MOBP: variants seen among roughly 807,000 people sequenced by gnomAD.
MOBP encodes myelin associated oligodendrocyte basic protein, also known as myelin-associated oligodendrocyte basic protein.
Under a neutral mutation model 15.0 loss-of-function variants are expected in MOBP, and 5 were observed. That is an observed-to-expected ratio of 0.33 (90% CI 0.17 to 0.70). The LOEUF (loss-of-function observed/expected upper bound fraction) is 0.70, where lower values mean the gene tolerates loss of function less well. Ranked by LOEUF, MOBP falls within the 30% of genes least tolerant of loss-of-function variation. The pLI is 0.67. For missense variants in MOBP, 188 were observed against 257.8 expected (o/e 0.73, Z 1.85); for synonymous variants, 88 against 99.0 (o/e 0.89, Z 0.66).
chr3:39,506,559 C>T (rs570671343), downstream of MOBP, among the ~76,000 whole-genome samples: 1 of 152,116 alleles, frequency 6.6e-6, no homozygotes, highest in South Asian at 2.1e-4. Flanking sequence ...TAGACATGTG[C>T]GTCAGTTATC....
At chr3:39,493,455 C>A (rs2042830779) in intron 2 of MOBP, among the ~76,000 whole-genome samples, 1 of 151,892 alleles carries the variant, frequency 6.6e-6, no homozygotes, top group Non-Finnish European at 1.5e-5. Context: ...CCTTCCTCTA[C>A]TGAACAGACA....
intron 1 of MOBP, among the ~76,000 whole-genome samples, chr3:39,474,760 G>A (rs987523589): frequency 3.3e-5 from 5 of 152,126 alleles, no homozygotes. Context: ...TCTCACATAG[G>A]TCTGAGATTT....
At chr3:39,487,160 C>T (rs138590374) in intron 2 of MOBP, among the ~76,000 whole-genome samples, 17 of 151,596 alleles carry the variant, frequency 1.1e-4, no homozygotes, top group East Asian at 1.9e-4. Context: ...AGGCTGGTCT[C>T]GAACTCCATC....
At chr3:39,475,914 G>T (rs1199159553) in intron 1 of MOBP, among the ~76,000 whole-genome samples, 1 of 152,116 alleles carries the variant, frequency 6.6e-6, no homozygotes, top group Non-Finnish European at 1.5e-5. Flanking sequence ...AACAAAATTT[G>T]GTTATTACTT....
intron 4 of MOBP, among the ~76,000 whole-genome samples, chr3:39,508,850 A>C (rs1025990246): frequency 6.6e-6 from 1 of 152,104 alleles, no homozygotes. Flanking sequence ...CCTGGCCCCA[A>C]CATTTTAATC....
chr3:39,500,880 CTA>C (rs2042960138), intron 2 of MOBP, among the ~76,000 whole-genome samples: 1 of 152,104 alleles, frequency 6.6e-6, no homozygotes, highest in Non-Finnish European at 1.5e-5. Flanking sequence ...TTACATAAAA[CTA>C]TTTTTGCATG....
chr3:39,482,082 A>T (rs1204990478), intron 2 of MOBP, among the ~76,000 whole-genome samples: 4 of 152,088 alleles, frequency 2.6e-5, no homozygotes, highest in African/African-American at 9.7e-5. Context: ...CTCAACTTGA[A>T]TCCATTAAAA....
At chr3:39,475,629 A>G (rs1326393720) in intron 1 of MOBP, among the ~76,000 whole-genome samples, 1 of 152,206 alleles carries the variant, frequency 6.6e-6, no homozygotes, top group Non-Finnish European at 1.5e-5. Context: ...GTATAAGCCC[A>G]ACAATATTTA....
chr3:39,513,536 CCTGCTGATGTGGCAA>C (rs1434334212), exon 5 of MOBP: 1 of 1,097,520 alleles, frequency 9.1e-7, no homozygotes. Context: ...GGGGCAAACA[CCTGCTGATGTGGCAA>C]CTGCTGATGC....
chr3:39,484,715 A>G (rs745721896), intron 2 of MOBP, among the ~76,000 whole-genome samples: 1 of 152,232 alleles, frequency 6.6e-6, no homozygotes, highest in East Asian at 1.9e-4. Flanking sequence ...CCCCACTACA[A>G]TAAGTGAAGG....
At chr3:39,526,144 G>C (rs2043321296), downstream of MOBP, 2 of 152,198 alleles carry the variant, frequency 1.3e-5, no homozygotes, top group African/African-American at 4.8e-5. Flanking sequence ...CCTTTGGCCT[G>C]TTTTAGATTT....
In MOBP at chr3:39,497,545, G is replaced by T. The variant is rs563427334; in HGVS notation, c.-4-4521G>T. On this transcript the variant is annotated intron_variant, in intron 2 of 3. Transcript: ENST00000684792. ...CCTGTCTAAAGTGCTTGGGATGCTG[G>T]AGTCACACAGATGTGGATTCAAATC... Among the ~76,000 whole-genome samples the T allele has an allele frequency of 2.3e-4, 35 of 152,294 alleles. 1 individual carries two copies. The South Asian group carries it at 7.1e-3, about 31-fold the overall frequency.
At chr3:39,508,016 C>A (rs1344362431), downstream of MOBP, among the ~76,000 whole-genome samples, 4 of 152,218 alleles carry the variant, frequency 2.6e-5, no homozygotes, top group African/African-American at 9.6e-5. Context: ...ATGAACCCAG[C>A]TAACTGGCTT....
chr3:39,498,204 C>T (rs148340239), intron 2 of MOBP, among the ~76,000 whole-genome samples: 4 of 152,146 alleles, frequency 2.6e-5, no homozygotes, highest in East Asian at 1.9e-4. Context: ...TGAGGCTTAG[C>T]GTTTTTAAAT....
At chr3:39,507,212 A>G (rs1261959909), downstream of MOBP, among the ~76,000 whole-genome samples, 2 of 152,224 alleles carry the variant, frequency 1.3e-5, no homozygotes, top group Non-Finnish European at 2.9e-5. Flanking sequence ...GGAAAACCTA[A>G]TCTGTCTACA....
chr3:39,519,830 G>A (rs1011033909), downstream of MOBP, among the ~76,000 whole-genome samples: 2 of 152,076 alleles, frequency 1.3e-5, no homozygotes, highest in Non-Finnish European at 2.9e-5. Context: ...AGAGACCACA[G>A]CCTTCTATTT....
At chr3:39,516,227 G>C (rs2043199548), downstream of MOBP, among the ~76,000 whole-genome samples, 1 of 152,172 alleles carries the variant, frequency 6.6e-6, no homozygotes, top group Non-Finnish European at 1.5e-5. Context: ...AGTAGGGCAA[G>C]GGCTGGAGTG....
intron 1 of MOBP, among the ~76,000 whole-genome samples, chr3:39,468,799 T>G (rs1195151941): frequency 8.2e-6 from 1 of 122,468 alleles, no homozygotes. Context: ...TGTGTGTATA[T>G]ATACATATGT....
At position 39,502,689 on chromosome 3, in the gene MOBP, C is replaced by T. The variant is rs995835006; in HGVS notation, c.361C>T (p.Pro121Ser). Residue 121 changes from proline to serine, a missense_variant, in exon 4 of 4, where the codon CCG (proline) becomes TCG (serine). Physicochemically the swap from Pro to Ser is moderately conservative, Grantham distance 74. Around this residue, in one of 2 missense-constraint regions of MOBP, gnomAD observed 133 missense variants for 212.5 expected, o/e 0.63. Transcript: ENST00000684792. The surrounding 1 kb of genome is among the most constrained non-coding windows in gnomAD (Gnocchi z 6.3). Reference protein sequence around the residue: ...PRSERQPRSPPRSERQPRSPP... With the variant: ...PRSERQPRSPSRSERQPRSPP... ...GTCTGAGCGTCAGCCACGGTCCCCT[C>T]CGAGGTCTGAGCGTCAGCCACGGTC... 85 of 1,509,248 alleles carry T rather than the reference C, an allele frequency of 5.6e-5. No homozygotes were observed. The highest frequency in any genetic ancestry group is 6.4e-5 in the Non-Finnish European group (73 of 1,133,550). The allele number at this position is 1,509,248 out of a possible 1,614,324, so 93.5% of individuals were successfully genotyped here. A position where few individuals can be genotyped will look rare whatever the true frequency, so the allele number is the denominator to read the frequency against.
Sources: allele counts gnomAD v4.1 joint callset (sites outside exome capture counted in the v4.1 genomes callset), GRCh38; gene constraint gnomAD v4.1.1; regional missense constraint gnomAD v4.1.1; non-coding constraint Gnocchi (gnomAD v3.1); transcripts MANE v1.5; gene names NCBI Gene and HGNC (gene_info 2026-07-23, HGNC 2026-07-21).